The following STK32A variants were observed in gnomAD, a reference collection of about 807,000 sequenced individuals.
The protein encoded by STK32A is serine/threonine-protein kinase 32A.
A neutral mutation model predicts 53.2 loss-of-function variants in STK32A; 41 were observed. The observed-to-expected ratio is 0.77, with a 90% CI of 0.60 to 1.00. The LOEUF is 1.00. Among genes scored for constraint, STK32A ranks in the 50% least tolerant of loss-of-function variants. The probability of loss-of-function intolerance (pLI) is 0.00; values close to 1 mark genes in which losing one functional copy is unlikely to be tolerated. For missense variants in STK32A, 458 were observed against 485.8 expected, an observed-to-expected ratio of 0.94 and a Z score of 0.54; for synonymous variants, 166 against 162.8, an observed-to-expected ratio of 1.02 and a Z score of -0.15.
chr5:147,364,545 T>C (rs534837084), intron 8 of STK32A, among the ~76,000 whole-genome samples: 17 of 152,326 alleles, frequency 1.1e-4, no homozygotes, highest in African/African-American at 4.1e-4. Context: ...AATATCTGCC[T>C]TCACAAAATA....
chr5:147,396,984 T>C, the STK32A span, among the ~76,000 whole-genome samples: 2 of 148,000 alleles, frequency 1.4e-5, no homozygotes, highest in Admixed American at 6.8e-5. Context: ...ATTTATTGTA[T>C]TGTTATAATA....
intron 7 of STK32A, among the ~76,000 whole-genome samples, chr5:147,359,179 T>C (rs1756387658): frequency 6.6e-6 from 1 of 152,182 alleles, no homozygotes; most frequent in Non-Finnish European, 1.5e-5. Flanking sequence ...CAGGGAATCT[T>C]CTGGAAGGGT....
At chr5:147,277,593 C>T (rs960813467) in intron 2 of STK32A, among the ~76,000 whole-genome samples, 5 of 152,098 alleles carry the variant, frequency 3.3e-5, no homozygotes, top group Non-Finnish European at 5.9e-5. Context: ...TACTTAGATA[C>T]AAAAGAGTGG....
chr5:147,310,725 G>A (rs1753652047), intron 4 of STK32A, among the ~76,000 whole-genome samples: 1 of 152,104 alleles, frequency 6.6e-6, no homozygotes, highest in Non-Finnish European at 1.5e-5. Flanking sequence ...TGATTTAATT[G>A]TTCCTCATTA....
At chr5:147,278,825 A>G (rs1581030874) in intron 3 of STK32A, among the ~76,000 whole-genome samples, 2 of 152,286 alleles carry the variant, frequency 1.3e-5, no homozygotes, top group African/African-American at 4.8e-5. Flanking sequence ...TCCAGTCCTT[A>G]AAGTCCTTTT....
chr5:147,370,616 T>G (rs752047732), intron 8 of STK32A, 38 bp from the exon 9 acceptor site: 2 of 1,373,994 alleles, frequency 1.5e-6, no homozygotes, highest in Admixed American at 3.8e-5. Flanking sequence ...TCTTTTGTCC[T>G]ATACAAATGA....
intron 11 of STK32A, among the ~76,000 whole-genome samples, chr5:147,380,333 C>T (rs1757402492): frequency 6.6e-6 from 1 of 152,082 alleles, no homozygotes; most frequent in Non-Finnish European, 1.5e-5. Context: ...TGAAATACAG[C>T]AGAACTGTGT....
chr5:147,298,262 T>C (rs1000104536), intron 4 of STK32A, among the ~76,000 whole-genome samples: 1 of 152,192 alleles, frequency 6.6e-6, no homozygotes, highest in African/African-American at 2.4e-5. Context: ...TCTTATTAAA[T>C]TTAGAAATAG....
At chr5:147,393,808 G>A in the STK32A span, 1 of 552,158 alleles carries the variant, frequency 1.8e-6, no homozygotes, top group Non-Finnish European at 3.2e-6. Context: ...CATGTAAATG[G>A]GGGGAGGGGA....
chr5:147,325,107 C>T (rs1199669936), intron 5 of STK32A, among the ~76,000 whole-genome samples: 3 of 152,288 alleles, frequency 2.0e-5, no homozygotes, highest in East Asian at 3.9e-4. Flanking sequence ...ATTCACATTA[C>T]TTACACATAT....
Position 147,373,203 on chromosome 5 carries a change from A to T in STK32A, c.812A>T (p.Gln271Leu). ...CCTAATCCAGACCAACGATTTTCTC[A>T]GTTATCTGATGTCCAGAACTTCCCG... ...LEPNPDQRFS[Q>L]LSDVQNFPYM... is the part of the protein sequence containing the mutation. The change falls in exon 10 of 13, where the codon CAG becomes CTG. Residue 271 changes from glutamine to leucine, a missense_variant. Gln to Leu is a moderately radical substitution (Grantham distance 113). Coordinates refer to ENST00000397936, the MANE Select transcript of STK32A (RefSeq NM_001112724.2). The T allele has an allele frequency of 6.2e-7, 1 of 1,613,306 alleles. No homozygotes were observed. Among genetic ancestry groups the T allele is most frequent in the Admixed American group, 1.7e-5 (1 of 59,976 alleles).
At chr5:147,334,138 G>A (rs1055311955) in intron 5 of STK32A, among the ~76,000 whole-genome samples, 13 of 152,156 alleles carry the variant, frequency 8.5e-5, no homozygotes, top group African/African-American at 3.1e-4. Context: ...GTAATTTGGA[G>A]ACTGACAAGC....
At chr5:147,266,669 A>G (rs1754826258) in intron 2 of STK32A, among the ~76,000 whole-genome samples, 1 of 152,156 alleles carries the variant, frequency 6.6e-6, no homozygotes. Context: ...TGGAGTCTAT[A>G]TTCTTGGCAC....
intron 7 of STK32A, among the ~76,000 whole-genome samples, chr5:147,351,755 G>A (rs751461072): frequency 8.5e-5 from 13 of 152,156 alleles, no homozygotes; most frequent in Non-Finnish European, 1.5e-5. Context: ...GCTGAGGCAG[G>A]AGAATCGCTT....
chr5:147,247,173 G>T (rs1753797641), intron 2 of STK32A, among the ~76,000 whole-genome samples: 1 of 152,212 alleles, frequency 6.6e-6, no homozygotes, highest in African/African-American at 2.4e-5. Context: ...TGGGAGTGCA[G>T]GCCTTCATGG....
At chr5:147,256,110 A>G (rs1371554880) in intron 2 of STK32A, among the ~76,000 whole-genome samples, 2 of 152,202 alleles carry the variant, frequency 1.3e-5, no homozygotes, top group East Asian at 1.9e-4. Context: ...ACATCCACAC[A>G]TCCGCTCGGG....
At chr5:147,277,229 A>C (rs1751790135) in intron 2 of STK32A, among the ~76,000 whole-genome samples, 1 of 152,178 alleles carries the variant, frequency 6.6e-6, no homozygotes, top group African/African-American at 2.4e-5. Flanking sequence ...AACTCATCTA[A>C]ATCCTTATTT....
chr5:147,273,064 T>C (rs1333618468), intron 2 of STK32A, among the ~76,000 whole-genome samples: 1 of 152,260 alleles, frequency 6.6e-6, no homozygotes, highest in East Asian at 1.9e-4. Flanking sequence ...TGCCTTACCT[T>C]CTACAAGGGT....
intron 6 of STK32A, chr5:147,348,571 T>C: frequency 2.9e-6 from 2 of 692,886 alleles, no homozygotes; most frequent in Non-Finnish European, 5.4e-6. Flanking sequence ...TACCTTCCAC[T>C]TCTACATGAG....
Sources: gnomAD v4.1 joint callset for allele counts (sites outside exome capture counted in the v4.1 genomes callset) on GRCh38, gnomAD v4.1.1 for gene constraint, MANE v1.5 for transcripts, NCBI Gene and HGNC (gene_info 2026-07-23, HGNC 2026-07-21) for gene names.